The following KIF16B variants were observed in gnomAD, a reference collection of about 807,000 sequenced individuals.
KIF16B encodes kinesin family member 16B, also known as kinesin-like protein KIF16B.
Under a neutral mutation model 156.3 loss-of-function variants are expected in KIF16B, and 98 were observed. The observed-to-expected ratio is 0.63, with a 90% CI of 0.53 to 0.74. The LOEUF (loss-of-function observed/expected upper bound fraction) is 0.74. Among genes scored for constraint, KIF16B ranks in the 30% least tolerant of loss-of-function variants. KIF16B has a pLI of 0.00. For synonymous variants in KIF16B, 564 were observed against 583.7 expected, an observed-to-expected ratio of 0.97 and a Z score of 0.49; for missense variants, 1,421 against 1,606.5, an observed-to-expected ratio of 0.88 and a Z score of 1.97.
intron 2 of KIF16B, among the ~76,000 whole-genome samples, chr20:16,527,283 G>T (rs186320146): frequency 3.3e-5 from 5 of 152,186 alleles, no homozygotes; most frequent in African/African-American, 9.7e-5. Flanking sequence ...GGACACCAGC[G>T]CCTTAATGGA....
intron 23 of KIF16B, among the ~76,000 whole-genome samples, chr20:16,353,588 T>C (rs528029159): frequency 6.6e-6 from 1 of 151,148 alleles, no homozygotes; most frequent in South Asian, 2.1e-4. Context: ...GAGGGGGGGG[T>C]TTATGATTCC....
At chr20:16,382,174 C>G (rs1425564434) in intron 17 of KIF16B, 2 of 1,222,764 alleles carry the variant, frequency 1.6e-6, no homozygotes, top group Non-Finnish European at 2.2e-6. Context: ...AGAGAGAGCA[C>G]AGACATCAAT....
intron 17 of KIF16B, among the ~76,000 whole-genome samples, chr20:16,392,053 G>T (rs2065379978): frequency 6.6e-6 from 1 of 152,148 alleles, no homozygotes; most frequent in South Asian, 2.1e-4. Context: ...TTAATACCCT[G>T]CATGCTCTCA....
intron 25 of KIF16B, among the ~76,000 whole-genome samples, chr20:16,309,696 T>C (rs1298784937): frequency 6.6e-6 from 1 of 152,144 alleles, no homozygotes; most frequent in African/African-American, 2.4e-5. Context: ...AGCTATATCA[T>C]GGTGAGGTTC....
intron 12 of KIF16B, among the ~76,000 whole-genome samples, chr20:16,458,942 G>T (rs1229813368): frequency 6.6e-6 from 1 of 152,182 alleles, no homozygotes; most frequent in African/African-American, 2.4e-5. Context: ...TTCACATCAG[G>T]ATGAAACATA....
chr20:16,362,770 A>T (rs1051342344), intron 22 of KIF16B, among the ~76,000 whole-genome samples: 1 of 152,230 alleles, frequency 6.6e-6, no homozygotes, highest in Admixed American at 6.5e-5. Flanking sequence ...GGATCACCAT[A>T]AATATCAAAA....
intron 15 of KIF16B, among the ~76,000 whole-genome samples, chr20:16,423,796 C>G (rs570539803): frequency 6.6e-6 from 1 of 152,054 alleles, no homozygotes; most frequent in African/African-American, 2.4e-5. Context: ...CCACAGAGAA[C>G]AGACAGTTGA....
chr20:16,299,189 G>A (rs535274921), intron 25 of KIF16B, among the ~76,000 whole-genome samples: 1 of 152,120 alleles, frequency 6.6e-6, no homozygotes, highest in African/African-American at 2.4e-5. Context: ...ATAATATGAT[G>A]CCTGATATTT....
chr20:16,558,811 CAAG>C (rs1342445434), intron 1 of KIF16B, among the ~76,000 whole-genome samples: 4 of 139,432 alleles, frequency 2.9e-5, no homozygotes, highest in Non-Finnish European at 6.0e-5. Flanking sequence ...GTCTGAAGCA[CAAG>C]AATCGCCTGA....
chr20:16,434,731 C>CT (rs34266610), intron 12 of KIF16B, among the ~76,000 whole-genome samples: 19,759 of 151,634 alleles, frequency 0.13, 1,397 homozygotes, highest in Non-Finnish European at 0.17. Flanking sequence ...CTAAGTGGCA[C>CT]TTTTTTTTTC....
rs1373445946 is a variant in KIF16B at position 16,429,803 on chromosome 20, T to A, written c.1422+60A>T. ...CCATAGAATATTATAATAAACCTAG[T>A]TAGTGTCTAATGGAGAAACTGGAAA... On this transcript the variant is annotated intron_variant, in intron 13 of 25. Coordinates refer to ENST00000354981, the MANE Select transcript of KIF16B (RefSeq NM_024704.5). 3 of 1,415,352 alleles carry A rather than the reference T, an allele frequency of 2.1e-6. No homozygotes were observed. The African/African-American group carries it at 4.3e-5, about 20-fold the overall frequency. 87.7% of individuals were successfully genotyped at this position (1,415,352 alleles called of 1,614,324 possible). A position where few individuals can be genotyped will look rare whatever the true frequency, so the allele number is the denominator to read the frequency against.
chr20:16,549,554 C>A (rs2070557695), intron 1 of KIF16B, among the ~76,000 whole-genome samples: 1 of 151,896 alleles, frequency 6.6e-6, no homozygotes, highest in African/African-American at 2.4e-5. Context: ...GGGTATATAC[C>A]CAGTAATGGG....
chr20:16,353,001 C>T (rs1390524678), intron 23 of KIF16B, among the ~76,000 whole-genome samples: 9 of 152,116 alleles, frequency 5.9e-5, no homozygotes, highest in East Asian at 3.9e-4. Context: ...GACCATCATG[C>T]GGGATAACGA....
At chr20:16,299,950 C>T (rs1488977238) in intron 25 of KIF16B, among the ~76,000 whole-genome samples, 1 of 152,126 alleles carries the variant, frequency 6.6e-6, no homozygotes, top group Non-Finnish European at 1.5e-5. Context: ...GATAGAAGAA[C>T]ATGAAGACCC....
chr20:16,468,045 T>C (rs953933770), intron 12 of KIF16B, among the ~76,000 whole-genome samples: 7 of 152,080 alleles, frequency 4.6e-5, no homozygotes, highest in Non-Finnish European at 1.0e-4. Flanking sequence ...ACTTTACACA[T>C]CAATGGTCTA....
In KIF16B at chr20:16,379,594, C is replaced by A; in HGVS notation, c.2408G>T (p.Arg803Leu). 4 of 1,614,070 alleles carry A rather than the reference C, an allele frequency of 2.5e-6. No homozygotes were observed. Among genetic ancestry groups the A allele is most frequent in the Non-Finnish European group, 3.4e-6 (4 of 1,179,980 alleles). ...CCCTCCGGCACGAGCCTCCTTCACC[C>A]GCAGGAGGGATTCCCGAATGCCTTC... ...DLEGIRESLL[R>L]VKEARAGGDE... is the part of the protein sequence containing the mutation. The change falls in exon 19 of 26, where the codon CGG becomes CTG. Residue 803 changes from arginine to leucine, a missense_variant. Coordinates refer to ENST00000354981, the MANE Select transcript of KIF16B (RefSeq NM_024704.5).
intron 12 of KIF16B, among the ~76,000 whole-genome samples, chr20:16,492,035 T>C (rs2068309666): frequency 6.6e-6 from 1 of 152,164 alleles, no homozygotes; most frequent in Non-Finnish European, 1.5e-5. Context: ...GAGAGGGGGT[T>C]TGTACAGCCA....
chr20:16,429,781 T>C, intron 13 of KIF16B, 82 bp downstream of exon 13: 4 of 1,206,942 alleles, frequency 3.3e-6, no homozygotes, highest in Non-Finnish European at 3.4e-6. Context: ...TTCATGACCA[T>C]AGAATATTAT....
At chr20:16,299,403 T>C (rs1397553470) in intron 25 of KIF16B, among the ~76,000 whole-genome samples, 1 of 152,200 alleles carries the variant, frequency 6.6e-6, no homozygotes, top group Non-Finnish European at 1.5e-5. Flanking sequence ...CATCACAGTA[T>C]CTGAGATTCC....
Sources: allele counts gnomAD v4.1 joint callset (sites outside exome capture counted in the v4.1 genomes callset), GRCh38; gene constraint gnomAD v4.1.1; transcripts MANE v1.5; gene names NCBI Gene and HGNC (gene_info 2026-07-23, HGNC 2026-07-21).